GREB1L: variants seen among roughly 807,000 people sequenced by gnomAD.
GREB1L encodes GREB1 like retinoic acid receptor coactivator.
Under a neutral mutation model 200.8 loss-of-function variants are expected in GREB1L, and 17 were observed. The observed-to-expected ratio is 0.08, with a 90% CI of 0.06 to 0.13. The LOEUF (loss-of-function observed/expected upper bound fraction) is 0.13, where lower values mean the gene tolerates loss of function less well. GREB1L is among the 10% of genes least tolerant of loss of function. GREB1L has a pLI of 1.00. For missense variants in GREB1L, 1,657 were observed against 2,367.7 expected (o/e 0.70, Z 6.23); for synonymous variants, 789 against 893.0 (o/e 0.88, Z 2.08).
intron 1 of GREB1L, among the ~76,000 whole-genome samples, chr18:21,299,905 A>G (rs1390022301): frequency 6.6e-6 from 1 of 152,190 alleles, no homozygotes; most frequent in African/African-American, 2.4e-5. Flanking sequence ...TTATGATAAA[A>G]TAAATGTATA....
At chr18:21,398,725 A>C (rs532491679) in intron 5 of GREB1L, among the ~76,000 whole-genome samples, 2 of 152,162 alleles carry the variant, frequency 1.3e-5, no homozygotes, top group Non-Finnish European at 2.9e-5. Flanking sequence ...AATTTGTCTA[A>C]ATTTTTATAT....
intron 19 of GREB1L, among the ~76,000 whole-genome samples, chr18:21,494,516 C>T (rs1294728796): frequency 6.6e-6 from 1 of 151,920 alleles, no homozygotes; most frequent in Middle Eastern, 3.2e-3. Context: ...AAAGGAAGTA[C>T]CAGTCTATTT....
At chr18:21,365,857 T>C (rs2039665943) in intron 1 of GREB1L, among the ~76,000 whole-genome samples, 170 bp from the exon 2 acceptor site, 1 of 152,148 alleles carries the variant, frequency 6.6e-6, no homozygotes, top group African/African-American at 2.4e-5. Flanking sequence ...GGAGTATCTG[T>C]ATATTTGCTC....
chr18:21,443,453 C>T (rs1294832269), intron 10 of GREB1L, among the ~76,000 whole-genome samples: 7 of 151,204 alleles, frequency 4.6e-5, no homozygotes, highest in Middle Eastern at 3.5e-3. Context: ...GTGATCCACC[C>T]GCCTGGGCCT....
intron 2 of GREB1L, among the ~76,000 whole-genome samples, chr18:21,378,711 A>G (rs1329465744): frequency 6.6e-6 from 1 of 152,000 alleles, no homozygotes; most frequent in Non-Finnish European, 1.5e-5. Flanking sequence ...TTATGTTTTT[A>G]TTTGGAATAG....
intron 1 of GREB1L, among the ~76,000 whole-genome samples, chr18:21,341,731 A>G (rs1449243911): frequency 6.6e-6 from 1 of 152,176 alleles, no homozygotes; most frequent in Non-Finnish European, 1.5e-5. Context: ...TTTGGAGTTC[A>G]TACTGACTGA....
At chr18:21,360,550 A>G (rs2143534069) in intron 1 of GREB1L, among the ~76,000 whole-genome samples, 1 of 152,348 alleles carries the variant, frequency 6.6e-6, no homozygotes, top group Admixed American at 6.5e-5. Flanking sequence ...TAAATGAAAT[A>G]CATATATCTT....
At chr18:21,399,449 A>G (rs868771239) in intron 5 of GREB1L, among the ~76,000 whole-genome samples, 1 of 103,920 alleles carries the variant, frequency 9.6e-6, no homozygotes, top group African/African-American at 3.6e-5. Context: ...GGATGGATGG[A>G]TGGTTGGATG....
intron 1 of GREB1L, among the ~76,000 whole-genome samples, chr18:21,279,681 C>G (rs537027411): frequency 6.6e-6 from 1 of 152,018 alleles, no homozygotes. Context: ...CTATGTTGCC[C>G]AGGCTGGAGT....
At position 21,383,524 on chromosome 18, in the gene GREB1L, G is replaced by T. The variant is rs1476654294; in HGVS notation, c.6G>T (p.Gly2=). 16 of 1,529,980 alleles carry T rather than the reference G, an allele frequency of 1.0e-5. No individual in the cohort carries two copies. The highest frequency in any genetic ancestry group is 1.4e-5 in the Non-Finnish European group (16 of 1,139,644). 94.8% of individuals were successfully genotyped at this position (1,529,980 alleles called of 1,614,324 possible). A position where few individuals can be genotyped will look rare whatever the true frequency, so the allele number is the denominator to read the frequency against. Residue 2 remains glycine, a synonymous_variant, in exon 3 of 33, where the codon GGG becomes GGT. Coordinates refer to ENST00000424526, the MANE Select transcript of GREB1L (RefSeq NM_001142966.3). Reference sequence around the variant, plus strand: ...GGGATGGGTAGGTGTAGATCATGGGGAATTCATATGCTGGGCAACTGAAAT... The same window carrying T: ...GGGATGGGTAGGTGTAGATCATGGGTAATTCATATGCTGGGCAACTGAAAT... M[G]NSYAGQLKSA... is the part of the protein sequence containing the mutation.
intron 31 of GREB1L, among the ~76,000 whole-genome samples, chr18:21,519,593 C>A (rs1350227873): frequency 1.3e-5 from 2 of 152,202 alleles, no homozygotes; most frequent in African/African-American, 4.8e-5. Context: ...GAGTCCAGGG[C>A]TCTACGTATT....
At chr18:21,452,356 T>A in intron 14 of GREB1L, 139 bp downstream of exon 14, 1 of 805,844 alleles carries the variant, frequency 1.2e-6, no homozygotes, top group Non-Finnish European at 1.9e-6. Context: ...ATGATAAACC[T>A]GGTTGAAATT....
rs978954918 is a variant in GREB1L, at chr18:21,452,172, G to A, written c.1939G>A (p.Val647Met). ...TPFDGDLNECVSPQEAAAMIP... is the reference protein window; with the variant it reads ...TPFDGDLNECMSPQEAAAMIP... ...TTTCGATGGAGACCTTAATGAATGT[G>A]TGTCACCCCAGGAGGCTGCTGCTAT... Residue 647 changes from valine (V) to methionine (M), a missense_variant, in exon 14 of 33, where the codon GTG becomes ATG. Val to Met is a conservative substitution (Grantham distance 21). Transcript: ENST00000424526. The A allele has an allele frequency of 6.4e-7, 1 of 1,551,740 alleles. No homozygotes were observed. Among genetic ancestry groups the A allele is most frequent in the African/African-American group, 1.4e-5 (1 of 73,058 alleles).
chr18:21,509,013 G>T (rs1423773261), intron 27 of GREB1L, among the ~76,000 whole-genome samples: 3 of 152,140 alleles, frequency 2.0e-5, no homozygotes, highest in African/African-American at 7.2e-5. Context: ...TTTAAGGCAC[G>T]TAGCAAGTTA....
intron 1 of GREB1L, among the ~76,000 whole-genome samples, chr18:21,353,203 A>G (rs569417702): frequency 1.1e-3 from 170 of 152,112 alleles, no homozygotes; most frequent in Non-Finnish European, 2.0e-3. Context: ...AAGAAGAAAG[A>G]AATGGGACCA....
chr18:21,316,522 A>G (rs1342431899), intron 1 of GREB1L, among the ~76,000 whole-genome samples: 1 of 152,218 alleles, frequency 6.6e-6, no homozygotes, highest in East Asian at 1.9e-4. Context: ...AACAGGCAGA[A>G]CATCAAGCAC....
At chr18:21,436,184 T>C (rs2033524202) in intron 7 of GREB1L, among the ~76,000 whole-genome samples, 1 of 152,206 alleles carries the variant, frequency 6.6e-6, no homozygotes, top group South Asian at 2.1e-4. Flanking sequence ...TTGAGATTCC[T>C]ATAAGACATC....
intron 1 of GREB1L, among the ~76,000 whole-genome samples, chr18:21,280,396 T>C (rs1646899292): frequency 6.6e-6 from 1 of 152,008 alleles, no homozygotes; most frequent in Non-Finnish European, 1.5e-5. Context: ...TCTTTCTTTT[T>C]TTTTTTTTTT....
Position 21,508,568 on chromosome 18 carries a change from G to C in GREB1L, c.4712G>C (p.Gly1571Ala). ...WPNHIMLVLP[G>A]MFNNAGVGAA... ...AACCACATCATGCTGGTGCTTCCCG[G>C]CATGTTCAATAATGCAGGCGTGGGT... Residue 1571 changes from glycine (G) to alanine (A), a missense_variant, in exon 27 of 33, where the codon GGC (glycine) becomes GCC (alanine). Coordinates refer to ENST00000424526, the MANE Select transcript of GREB1L (RefSeq NM_001142966.3). 6.4e-7 allele frequency: 1 copy of C among 1,551,728 alleles called. No individual in the cohort carries two copies.
Sources: allele counts gnomAD v4.1 joint callset (sites outside exome capture counted in the v4.1 genomes callset), GRCh38; gene constraint gnomAD v4.1.1; transcripts MANE v1.5; gene names NCBI Gene and HGNC (gene_info 2026-07-23, HGNC 2026-07-21).